The following GALNT5 variants were observed in gnomAD, a reference collection of about 807,000 sequenced individuals.
GALNT5 encodes the protein polypeptide N-acetylgalactosaminyltransferase 5.
Under a neutral mutation model 85.4 loss-of-function variants are expected in GALNT5, and 72 were observed. That is an observed-to-expected ratio of 0.84 (90% CI 0.70 to 1.03). GALNT5 has a LOEUF of 1.03. GALNT5 is among the 50% of genes least tolerant of loss of function. The probability of loss-of-function intolerance (pLI) is 0.00; values close to 1 mark genes in which losing one functional copy is unlikely to be tolerated. For missense variants in GALNT5, 1,137 were observed against 1,135.5 expected (o/e 1.00, Z -0.02); for synonymous variants, 404 against 397.0 (o/e 1.02, Z -0.21).
chr2:157,270,665 T>C (rs1185019331), intron 1 of GALNT5, among the ~76,000 whole-genome samples: 1 of 152,246 alleles, frequency 6.6e-6, no homozygotes, highest in Non-Finnish European at 1.5e-5. Flanking sequence ...CAAATATTTA[T>C]TGTGTAACTG....
intron 1 of GALNT5, among the ~76,000 whole-genome samples, chr2:157,281,235 T>C (rs1439837090): frequency 6.6e-6 from 1 of 152,132 alleles, no homozygotes; most frequent in African/African-American, 2.4e-5. Context: ...CAGCTAATTT[T>C]TGTATTTTCA....
At chr2:157,284,712 G>A (rs534618638) in intron 2 of GALNT5, among the ~76,000 whole-genome samples, 1 of 152,306 alleles carries the variant, frequency 6.6e-6, no homozygotes, top group Admixed American at 6.5e-5. Flanking sequence ...TTGGAGATGG[G>A]CACTTAGAAG....
chr2:157,285,577 G>A lies in GALNT5; in HGVS notation c.1622-438G>A, dbSNP rs571352209. Among the ~76,000 whole-genome samples, 46 of 152,298 alleles carry A rather than the reference G, an allele frequency of 3.0e-4. 1 individual carries two copies. Among genetic ancestry groups the A allele is most frequent in the African/African-American group, 1.1e-3 (44 of 41,560 alleles). ...AAGAGAGAAAAGGTGTAATGGAAGG[G>A]GATGTCAGAGTAGAGAATGAAAGGG... On this transcript the variant is annotated intron_variant, in intron 2 of 9. Transcript: ENST00000259056.
At chr2:157,271,483 G>C (rs984893200) in intron 1 of GALNT5, among the ~76,000 whole-genome samples, 2 of 152,176 alleles carry the variant, frequency 1.3e-5, no homozygotes, top group African/African-American at 4.8e-5. Context: ...AATAATCCTG[G>C]AGAAAGAGAG....
chr2:157,318,482 T>C lies in GALNT5; in HGVS notation c.*7134T>C, dbSNP rs910388853. Reference sequence around the variant, plus strand: ...ACCTTTTTGAAATAAATAATGCAAATGAACTAAAATAAAGTGTTCTCTTGA... The same window carrying C: ...ACCTTTTTGAAATAAATAATGCAAACGAACTAAAATAAAGTGTTCTCTTGA... On this transcript the variant is annotated 3_prime_UTR_variant, in exon 10 of 10. Coordinates refer to ENST00000259056, the MANE Select transcript of GALNT5 (RefSeq NM_014568.3). The C allele has an allele frequency of 3.9e-5, 6 of 152,146 alleles. No homozygotes were observed. The highest frequency in any genetic ancestry group is 1.2e-4 in the African/African-American group (5 of 41,442). The allele number at this position is 152,146 out of a possible 1,614,324, so 9.4% of individuals were successfully genotyped here.
At chr2:157,292,849 G>A (rs1394325051) in intron 3 of GALNT5, among the ~76,000 whole-genome samples, 3 of 151,972 alleles carry the variant, frequency 2.0e-5, no homozygotes, top group African/African-American at 7.3e-5. Flanking sequence ...GGGGCTACAG[G>A]CACACACACA....
In GALNT5 at chr2:157,313,752, T is replaced by G. The variant is rs182844704; in HGVS notation, c.*2404T>G. ...TTGGATTTTTTTCCTTAACAGAAAC[T>G]TCTGCAGTCCTCTCAGTTCACATCC... On this transcript the variant is annotated 3_prime_UTR_variant, in exon 10 of 10. Coordinates refer to ENST00000259056, the MANE Select transcript of GALNT5 (RefSeq NM_014568.3). 1 of 152,202 alleles carries G rather than the reference T, an allele frequency of 6.6e-6. No individual in the cohort carries two copies. Among genetic ancestry groups the G allele is most frequent in the Non-Finnish European group, 1.5e-5 (1 of 68,030 alleles). The allele number at this position is 152,202 out of a possible 1,614,324, so 9.4% of individuals were successfully genotyped here.
intron 3 of GALNT5, among the ~76,000 whole-genome samples, chr2:157,292,876 G>A (rs772731170): frequency 3.3e-5 from 5 of 152,080 alleles, no homozygotes; most frequent in South Asian, 2.1e-4. Flanking sequence ...ATTGATTTTT[G>A]TATTTTTAGT....
At chr2:157,308,834 T>C in intron 9 of GALNT5, 106 bp downstream of exon 9, 1 of 846,068 alleles carries the variant, frequency 1.2e-6, no homozygotes, top group Non-Finnish European at 1.8e-6. Context: ...TTTGTGTGTT[T>C]GTGACCATGG....
intron 3 of GALNT5, among the ~76,000 whole-genome samples, chr2:157,287,517 A>G (rs566253672): frequency 1.3e-5 from 2 of 152,056 alleles, no homozygotes; most frequent in South Asian, 4.2e-4. Flanking sequence ...TGGTGTTCAA[A>G]TTGTCCCAAA....
intron 1 of GALNT5, among the ~76,000 whole-genome samples, chr2:157,280,956 G>C (rs1682842941): frequency 6.6e-6 from 1 of 152,166 alleles, no homozygotes. Flanking sequence ...GCCTCACCAA[G>C]AGCTGAGCAG....
In GALNT5 at chr2:157,267,223, C is replaced by T. The variant is rs539312950; in HGVS notation, c.1454+7687C>T. 3.9e-5 allele frequency among the ~76,000 whole-genome samples: 6 copies of T among 152,126 alleles called. No homozygotes were observed. The East Asian group carries it at 5.8e-4, about 15-fold the overall frequency. Reference sequence around the variant, plus strand: ...TAAAAAGGATGATCCATTGAGAAATCGAGGGAAATCTGACATGGGTTGCAG... The same window carrying T: ...TAAAAAGGATGATCCATTGAGAAATTGAGGGAAATCTGACATGGGTTGCAG... On this transcript the variant is annotated intron_variant, in intron 1 of 9. Coordinates refer to ENST00000259056, the MANE Select transcript of GALNT5 (RefSeq NM_014568.3).
intron 7 of GALNT5, 70 bp downstream of exon 7, chr2:157,301,069 T>C: frequency 9.4e-7 from 1 of 1,068,308 alleles, no homozygotes; most frequent in Non-Finnish European, 1.4e-6. Context: ...CAAAAATGTG[T>C]GGAAAGAATG....
Position 157,313,750 on chromosome 2 carries a change from A to C in GALNT5, c.*2402A>C, listed in dbSNP as rs192679645. The C allele has an allele frequency of 6.6e-6, 1 of 152,288 alleles. No homozygotes were observed. The highest frequency in any genetic ancestry group is 1.9e-4 in the East Asian group (1 of 5,188). The allele number at this position is 152,288 out of a possible 1,614,324, so 9.4% of individuals were successfully genotyped here. On this transcript the variant is annotated 3_prime_UTR_variant, in exon 10 of 10. Transcript: ENST00000259056. ...AGTTGGATTTTTTTCCTTAACAGAA[A>C]CTTCTGCAGTCCTCTCAGTTCACAT...
intron 4 of GALNT5, 63 bp from the exon 5 acceptor site, chr2:157,296,331 G>C: frequency 7.5e-7 from 1 of 1,342,032 alleles, no homozygotes; most frequent in Non-Finnish European, 1.1e-6. Context: ...AAGCCAAATC[G>C]ATAAAGTATA....
At chr2:157,286,303 T>C (rs1231057643) in intron 3 of GALNT5, among the ~76,000 whole-genome samples, 169 bp downstream of exon 3, 1 of 148,512 alleles carries the variant, frequency 6.7e-6, no homozygotes, top group Non-Finnish European at 1.5e-5. Flanking sequence ...TAAACACACA[T>C]AGACACCTAT....
chr2:157,285,038 A>G (rs1682941091), intron 2 of GALNT5, among the ~76,000 whole-genome samples: 5 of 152,204 alleles, frequency 3.3e-5, no homozygotes, highest in East Asian at 1.9e-4. Context: ...TTGTCAAATA[A>G]CCTGTGTATG....
At chr2:157,289,162 T>C (rs776805843) in intron 3 of GALNT5, among the ~76,000 whole-genome samples, 22 of 152,214 alleles carry the variant, frequency 1.4e-4, no homozygotes, top group Admixed American at 2.0e-4. Context: ...AGTATGCTAG[T>C]AACGGCCTCC....
rs929567788 is a variant in GALNT5, at chr2:157,277,267, G to A, written c.1455-7015G>A. ...TTATGTGATCAATTTTAGAATAAGT[G>A]CGATGTGGTGCTAAGAAGAATATAT... On this transcript the variant is annotated intron_variant, in intron 1 of 9. Coordinates refer to ENST00000259056, the MANE Select transcript of GALNT5 (RefSeq NM_014568.3). Among the ~76,000 whole-genome samples the A allele has an allele frequency of 2.6e-5, 4 of 152,302 alleles. No individual in the cohort carries two copies. In the South Asian group the frequency reaches 8.3e-4, roughly 32 times the overall value.
Sources: allele counts gnomAD v4.1 joint callset (sites outside exome capture counted in the v4.1 genomes callset), GRCh38; gene constraint gnomAD v4.1.1; transcripts MANE v1.5; gene names NCBI Gene and HGNC (gene_info 2026-07-23, HGNC 2026-07-21).